Variants in PARD3B observed in about 807,000 individuals in gnomAD.
The protein encoded by PARD3B is par-3 family cell polarity regulator beta, also known as partitioning defective 3 homolog B.
Under a neutral mutation model 130.2 loss-of-function variants are expected in PARD3B, and 103 were observed. The ratio of observed to expected loss-of-function variants is 0.79; its 90% CI spans 0.67 to 0.93. The LOEUF is 0.93. PARD3B is among the 40% of genes least tolerant of loss of function. The probability of loss-of-function intolerance (pLI) is 0.00; values close to 1 mark genes in which losing one functional copy is unlikely to be tolerated. For synonymous variants in PARD3B, 583 were observed against 553.2 expected (o/e 1.05, Z -0.76); for missense variants, 1,609 against 1,499.2 (o/e 1.07, Z -1.21).
At chr2:205,571,350 G>C (rs2053554796) in intron 22 of PARD3B, among the ~76,000 whole-genome samples, 2 of 152,172 alleles carry the variant, frequency 1.3e-5, no homozygotes, top group South Asian at 4.1e-4. Context: ...GCTGAAGATG[G>C]AATGAGCTAA....
At position 204,606,142 on chromosome 2, in the gene PARD3B, G is replaced by A. The variant is rs1028180495; in HGVS notation, c.120+60023G>A. Among the ~76,000 whole-genome samples the A allele has an allele frequency of 6.6e-6, 1 of 152,102 alleles. No homozygotes were observed. Among genetic ancestry groups the A allele is most frequent in the African/African-American group, 2.4e-5 (1 of 41,410 alleles). On this transcript the variant is annotated intron_variant, in intron 1 of 22. Transcript: ENST00000406610. The surrounding 1 kb of genome is among the most constrained non-coding windows in gnomAD (Gnocchi z 4.0). The stretch of plus-strand genomic sequence containing the variant: ...GGTCAGGTTTTGTCTCTCCAACTCC[G>A]ATATATGCTTCTTGAGGTCAATACC...
At chr2:205,099,186 T>C (rs367828089) in intron 4 of PARD3B, among the ~76,000 whole-genome samples, 8 of 152,200 alleles carry the variant, frequency 5.3e-5, no homozygotes, top group African/African-American at 1.9e-4. Flanking sequence ...CAGCTCATTA[T>C]ATCCTTCTAT....
intron 2 of PARD3B, among the ~76,000 whole-genome samples, chr2:204,791,209 CTG>C (rs1188146279): frequency 2.6e-5 from 4 of 152,144 alleles, no homozygotes; most frequent in Non-Finnish European, 5.9e-5. Flanking sequence ...ATTGTGGACA[CTG>C]GGGTACTGCA....
chr2:205,474,313 A>G (rs906173073), intron 20 of PARD3B, among the ~76,000 whole-genome samples: 3 of 152,066 alleles, frequency 2.0e-5, no homozygotes, highest in Non-Finnish European at 2.9e-5. Context: ...TTTTTAGAGT[A>G]TTTTCATCCA....
intron 1 of PARD3B, among the ~76,000 whole-genome samples, chr2:204,657,795 T>C (rs1217484185): frequency 6.6e-6 from 1 of 152,218 alleles, no homozygotes; most frequent in Non-Finnish European, 1.5e-5. Context: ...ATAATTTTTC[T>C]CCATTACATT....
At chr2:205,484,471 G>T (rs1269931309) in intron 20 of PARD3B, among the ~76,000 whole-genome samples, 3 of 152,170 alleles carry the variant, frequency 2.0e-5, no homozygotes, top group Admixed American at 6.6e-5. Flanking sequence ...ATTAATTGGG[G>T]TATTATTTAC....
rs1385902166 is a variant in PARD3B at position 205,122,811 on chromosome 2, G to A, written c.1165+862G>A. 6.6e-6 allele frequency among the ~76,000 whole-genome samples: 1 copy of A among 152,172 alleles called. No homozygotes were observed. The highest frequency in any genetic ancestry group is 1.9e-4 in the East Asian group (1 of 5,200). Reference sequence around the variant, plus strand: ...TAGGATATGAAAATTATTCTGGAAAGATTCTCTGATCAAAATTTCATTCAC... The same window carrying A: ...TAGGATATGAAAATTATTCTGGAAAAATTCTCTGATCAAAATTTCATTCAC... On this transcript the variant is annotated intron_variant, in intron 8 of 22. Coordinates refer to ENST00000406610, the MANE Select transcript of PARD3B (RefSeq NM_001302769.2). The surrounding 1 kb of genome is among the most constrained non-coding windows in gnomAD (Gnocchi z 4.3).
chr2:204,707,245 C>T lies in PARD3B; in HGVS notation c.222+20963C>T, dbSNP rs73059077. ...ACCACATGAAGCCCGAGTGGGACTG[C>T]AAATTTATTATGGTGGTGGTACTAT... is the stretch of plus-strand genomic sequence containing the variant. On this transcript the variant is annotated intron_variant, in intron 2 of 22. Transcript: ENST00000406610. Among the ~76,000 whole-genome samples, 1,348 of 152,216 alleles carry T rather than the reference C, an allele frequency of 8.9e-3. 22 individuals are homozygous for T. The highest frequency in any genetic ancestry group is 0.03 in the African/African-American group (1,254 of 41,532).
At chr2:205,012,272 G>C (rs1695774838) in intron 3 of PARD3B, among the ~76,000 whole-genome samples, 1 of 152,042 alleles carries the variant, frequency 6.6e-6, no homozygotes, top group Non-Finnish European at 1.5e-5. Context: ...CTATTTCACT[G>C]TCTTTGTGGT....
intron 6 of PARD3B, among the ~76,000 whole-genome samples, chr2:205,115,117 C>A (rs1378328988): frequency 6.6e-6 from 1 of 152,134 alleles, no homozygotes; most frequent in Non-Finnish European, 1.5e-5. Context: ...GTGACAGTCA[C>A]TAGACTTCAT....
At chr2:204,816,820 G>C (rs533877640) in intron 2 of PARD3B, among the ~76,000 whole-genome samples, 8 of 151,742 alleles carry the variant, frequency 5.3e-5, no homozygotes, top group Non-Finnish European at 1.0e-4. Context: ...ATTACTTTTA[G>C]AATATTTTTC....
chr2:204,566,749 A>AT (rs934182346), intron 1 of PARD3B, among the ~76,000 whole-genome samples: 1 of 151,712 alleles, frequency 6.6e-6, no homozygotes, highest in Non-Finnish European at 1.5e-5. Context: ...GGTTGTTTTG[A>AT]TTTTTTTTCT....
chr2:205,089,146 CT>C (rs34517258), intron 4 of PARD3B, among the ~76,000 whole-genome samples: 61,168 of 143,146 alleles, frequency 0.43, 13,367 homozygotes, highest in Middle Eastern at 0.55. Flanking sequence ...TTTTTTCTTT[CT>C]TTTTTTTTTT....
In PARD3B at chr2:205,158,836, A is replaced by T; in HGVS notation, c.1549A>T (p.Lys517Ter). ...AGLGVSLKGN[K>*]SRETGTDLGI... is the part of the protein sequence containing the mutation. ...CCTCGGGGTGAGCTTAAAAGGGAACAAATCCAGAGAAACTGGAACAGACTT... is the reference window on the plus strand; with the variant it reads ...CCTCGGGGTGAGCTTAAAAGGGAACTAATCCAGAGAAACTGGAACAGACTT... Residue 517 changes from lysine (K) to a stop codon, truncating the protein, a stop_gained, in exon 11 of 23, where the codon AAA (lysine) becomes TAA (stop). Coordinates refer to ENST00000406610, the MANE Select transcript of PARD3B (RefSeq NM_001302769.2). LOFTEE classifies it high-confidence loss of function. This position sits in a 1 kb window ranked among gnomAD's most constrained non-coding sequence, Gnocchi z 5.4. 5.0e-6 allele frequency: 8 copies of T among 1,614,154 alleles called. No homozygotes were observed. The highest frequency in any genetic ancestry group is 6.8e-6 in the Non-Finnish European group (8 of 1,180,020).
At chr2:205,346,235 GATTCCT>G in intron 18 of PARD3B, among the ~76,000 whole-genome samples, 1 of 151,430 alleles carries the variant, frequency 6.6e-6, no homozygotes, top group East Asian at 2.0e-4. Flanking sequence ...TATAAATGCA[GATTCCT>G]GGCTTCTCCT....
chr2:205,109,819 A>T (rs568433841), intron 5 of PARD3B, among the ~76,000 whole-genome samples: 1 of 151,798 alleles, frequency 6.6e-6, no homozygotes. Flanking sequence ...ACACCCTGCT[A>T]ATTTTTGTAT....
At chr2:204,883,967 G>A (rs1024722620) in intron 2 of PARD3B, among the ~76,000 whole-genome samples, 3 of 144,054 alleles carry the variant, frequency 2.1e-5, no homozygotes, top group Admixed American at 2.1e-4. Context: ...TTGAACTCCT[G>A]ACCTGGTGAT....
chr2:205,003,837 A>AT (rs922183610), intron 3 of PARD3B, among the ~76,000 whole-genome samples: 2 of 152,124 alleles, frequency 1.3e-5, no homozygotes, highest in Non-Finnish European at 2.9e-5. Context: ...AATAAACATA[A>AT]TTTTTTTGTG....
At chr2:205,167,713 A>G (rs114315857) in intron 11 of PARD3B, among the ~76,000 whole-genome samples, 1 of 152,346 alleles carries the variant, frequency 6.6e-6, no homozygotes, top group African/African-American at 2.4e-5. Flanking sequence ...GTCTGAATGT[A>G]GAAGCAACGT....
Sources: gnomAD v4.1 joint callset for allele counts (sites outside exome capture counted in the v4.1 genomes callset) on GRCh38, gnomAD v4.1.1 for gene constraint, Gnocchi (gnomAD v3.1) non-coding constraint, MANE v1.5 for transcripts, NCBI Gene and HGNC (gene_info 2026-07-23, HGNC 2026-07-21) for gene names.